PDE11A: variants seen among roughly 807,000 people sequenced by gnomAD.
The protein encoded by PDE11A is dual 3',5'-cyclic-AMP and -GMP phosphodiesterase 11A.
Under a neutral mutation model 100.5 loss-of-function variants are expected in PDE11A, and 100 were observed. The observed-to-expected ratio is 1.00, with a 90% confidence interval of 0.85 to 1.18. PDE11A has a LOEUF of 1.18. Among genes scored for constraint, PDE11A ranks in the 50% most tolerant of loss-of-function variants. The pLI is 0.00. For synonymous variants in PDE11A, 381 were observed against 420.8 expected, an observed-to-expected ratio of 0.91 and a Z score of 1.16; for missense variants, 1,141 against 1,152.6, an observed-to-expected ratio of 0.99 and a Z score of 0.15.
chr2:178,034,778 G>C (rs1469873145), intron 1 of PDE11A, among the ~76,000 whole-genome samples: 1 of 152,048 alleles, frequency 6.6e-6, no homozygotes, highest in Non-Finnish European at 1.5e-5. Context: ...ATGACTACTG[G>C]GAAAATAATG....
At chr2:178,010,518 A>C (rs2086263263) in intron 2 of PDE11A, among the ~76,000 whole-genome samples, 1 of 152,214 alleles carries the variant, frequency 6.6e-6, no homozygotes, top group Non-Finnish European at 1.5e-5. Flanking sequence ...GAGAGCTATA[A>C]AACTTTTCTT....
chr2:177,696,783 T>C (rs1405586243), intron 15 of PDE11A, among the ~76,000 whole-genome samples: 1 of 152,024 alleles, frequency 6.6e-6, no homozygotes, highest in Non-Finnish European at 1.5e-5. Flanking sequence ...GTGGAAGAAA[T>C]TTCCAGGCTG....
intron 1 of PDE11A, among the ~76,000 whole-genome samples, chr2:178,047,510 T>C (rs1337537282): frequency 6.6e-6 from 1 of 151,396 alleles, no homozygotes; most frequent in African/African-American, 2.4e-5. Context: ...AGAATGGCTT[T>C]TCCCCAGCTA....
intron 1 of PDE11A, among the ~76,000 whole-genome samples, chr2:178,107,777 C>T (rs13033194): frequency 0.094 from 13,945 of 148,440 alleles, 703 homozygotes; most frequent in African/African-American, 0.11. Context: ...GCCGGAGTGC[C>T]GTGGTGTGAT....
At position 177,625,243 on chromosome 2, in the gene PDE11A, T is replaced by C. The variant is rs2079815544; in HGVS notation, c.*4164A>G. 6.6e-6 allele frequency: 1 copy of C among 152,658 alleles called. No individual in the cohort carries two copies. The highest frequency in any genetic ancestry group is 1.5e-5 in the Non-Finnish European group (1 of 68,036). The allele number at this position is 152,658 out of a possible 1,614,324, so 9.5% of individuals were successfully genotyped here. A position where few individuals can be genotyped will look rare whatever the true frequency, so the allele number is the denominator to read the frequency against. On this transcript the variant is annotated 3_prime_UTR_variant, in exon 20 of 20. Transcript: ENST00000286063. ...CTGCTTTAGGTTTGTTGCTATTTTATTTGAGAAGAATAAAAAAGAAAATTA... is the reference window on the plus strand; with the variant it reads ...CTGCTTTAGGTTTGTTGCTATTTTACTTGAGAAGAATAAAAAAGAAAATTA...
At chr2:177,832,554 C>CATAT (rs374573784) in intron 6 of PDE11A, among the ~76,000 whole-genome samples, 51 of 146,402 alleles carry the variant, frequency 3.5e-4, no homozygotes, top group African/African-American at 1.1e-3. Flanking sequence ...TACTCACATC[C>CATAT]ATCTATCTAT....
intron 3 of PDE11A, among the ~76,000 whole-genome samples, chr2:177,900,185 G>A (rs886506422): frequency 6.6e-6 from 1 of 152,296 alleles, no homozygotes; most frequent in Non-Finnish European, 1.5e-5. Context: ...ATGTACAGGT[G>A]GTAGACATTA....
At chr2:177,942,621 C>T (rs1207350306) in intron 2 of PDE11A, among the ~76,000 whole-genome samples, 1 of 151,992 alleles carries the variant, frequency 6.6e-6, no homozygotes, top group East Asian at 1.9e-4. Flanking sequence ...AGGCTTGTGT[C>T]GAACTTCCAA....
intron 19 of PDE11A, among the ~76,000 whole-genome samples, chr2:177,659,259 C>T (rs2080437766): frequency 1.5e-5 from 1 of 65,762 alleles, no homozygotes; most frequent in Admixed American, 2.4e-4. Context: ...AAAATTCTAT[C>T]TCAGGGGGAA....
At chr2:177,856,287 C>T (rs1026307293) in intron 5 of PDE11A, among the ~76,000 whole-genome samples, 1 of 152,002 alleles carries the variant, frequency 6.6e-6, no homozygotes. Context: ...ACAGAAATGA[C>T]AACAAACATT....
At chr2:178,057,959 G>A (rs1160542629) in intron 1 of PDE11A, among the ~76,000 whole-genome samples, 1 of 152,150 alleles carries the variant, frequency 6.6e-6, no homozygotes, top group Non-Finnish European at 1.5e-5. Flanking sequence ...CTGGGTTCAA[G>A]CGATTCTCCT....
At chr2:177,947,699 C>A (rs894873521) in intron 2 of PDE11A, among the ~76,000 whole-genome samples, 3 of 151,356 alleles carry the variant, frequency 2.0e-5, no homozygotes, top group Non-Finnish European at 4.4e-5. Flanking sequence ...GCTGACCTTC[C>A]CTCCACTATT....
At position 177,832,554 on chromosome 2, in the gene PDE11A, CATCTATCT is replaced by C. The variant is rs58916923; in HGVS notation, c.1500+7689_1500+7696del. On this transcript the variant is annotated intron_variant, in intron 6 of 19. Transcript: ENST00000286063. ...GTTAATACTCCTTAATACTCACATCCATCTATCTATCTATCTATCTATCTATCTATCTA... is the reference window on the plus strand; with the variant it reads ...GTTAATACTCCTTAATACTCACATCCATCTATCTATCTATCTATCTATCTA... 6.1e-3 allele frequency among the ~76,000 whole-genome samples: 893 copies of C among 146,394 alleles called. 6 individuals are homozygous for C. The highest frequency in any genetic ancestry group is 0.026 in the East Asian group (127 of 4,958).
intron 12 of PDE11A, among the ~76,000 whole-genome samples, chr2:177,717,800 C>T (rs2081464736): frequency 1.3e-5 from 2 of 152,128 alleles, no homozygotes; most frequent in South Asian, 4.1e-4. Context: ...AAGACCCAAG[C>T]CAGTAAGATT....
intron 2 of PDE11A, among the ~76,000 whole-genome samples, chr2:177,924,208 A>G (rs1383388792): frequency 5.3e-5 from 8 of 152,234 alleles, no homozygotes; most frequent in South Asian, 2.1e-4. Context: ...CACTTACTCA[A>G]ATAAATGTAA....
chr2:177,843,715 C>A (rs1298477560), intron 5 of PDE11A, among the ~76,000 whole-genome samples: 2 of 152,182 alleles, frequency 1.3e-5, no homozygotes, highest in African/African-American at 4.8e-5. Context: ...AAGCTATGAT[C>A]TCTGCTCTCA....
intron 19 of PDE11A, among the ~76,000 whole-genome samples, chr2:177,656,751 T>C (rs566103853): frequency 6.6e-6 from 1 of 152,278 alleles, no homozygotes; most frequent in East Asian, 1.9e-4. Flanking sequence ...TGCTGTGGAA[T>C]GTTGTGGGGA....
intron 2 of PDE11A, among the ~76,000 whole-genome samples, chr2:177,946,702 C>CT (rs2085439223): frequency 4.9e-5 from 4 of 81,704 alleles, no homozygotes; most frequent in African/African-American, 9.8e-5. Flanking sequence ...GTCAGCCCCC[C>CT]GCCCGGCCAG....
At chr2:177,992,626 G>A (rs934819537) in intron 2 of PDE11A, among the ~76,000 whole-genome samples, 3 of 152,014 alleles carry the variant, frequency 2.0e-5, no homozygotes, top group African/African-American at 7.2e-5. Context: ...TCAATGATTT[G>A]GCCAGAGATC....
Sources: allele counts gnomAD v4.1 joint callset (sites outside exome capture counted in the v4.1 genomes callset), GRCh38; gene constraint gnomAD v4.1.1; transcripts MANE v1.5; gene names NCBI Gene and HGNC (gene_info 2026-07-23, HGNC 2026-07-21).